Variants in PRKG1 observed in about 807,000 individuals in gnomAD.
PRKG1 encodes protein kinase cGMP-dependent 1.
Under a neutral mutation model 88.1 loss-of-function variants are expected in PRKG1, and 35 were observed. The ratio of observed to expected loss-of-function variants is 0.40; its 90% confidence interval spans 0.30 to 0.53. The LOEUF (loss-of-function observed/expected upper bound fraction) is 0.53, where lower values mean the gene tolerates loss of function less well. Ranked by LOEUF, PRKG1 falls within the 20% of genes least tolerant of loss-of-function variation. The pLI, the probability that PRKG1 is intolerant of heterozygous loss-of-function variation, is 0.59. For synonymous variants in PRKG1, 303 were observed against 292.5 expected, an observed-to-expected ratio of 1.04 and a Z score of -0.37; for missense variants, 540 against 839.8, an observed-to-expected ratio of 0.64 and a Z score of 4.41.
At chr10:51,524,417 C>T (rs1841823478) in intron 3 of PRKG1, among the ~76,000 whole-genome samples, 1 of 152,154 alleles carries the variant, frequency 6.6e-6, no homozygotes, top group South Asian at 2.1e-4. Context: ...CTATTCAAAA[C>T]TGCCATTCTT....
intron 1 of PRKG1, among the ~76,000 whole-genome samples, chr10:51,022,976 G>T (rs1037006860): frequency 6.6e-6 from 1 of 152,170 alleles, no homozygotes; most frequent in South Asian, 2.1e-4. Flanking sequence ...CAGCCTGGGC[G>T]ACAATAGCGA....
intron 2 of PRKG1, among the ~76,000 whole-genome samples, chr10:51,344,776 T>C (rs952162801): frequency 6.6e-6 from 1 of 152,170 alleles, no homozygotes; most frequent in Non-Finnish European, 1.5e-5. Context: ...TTATTACCAC[T>C]GGGAAAAATT....
At chr10:51,777,438 T>G (rs1428523039) in intron 3 of PRKG1, among the ~76,000 whole-genome samples, 1 of 152,140 alleles carries the variant, frequency 6.6e-6, no homozygotes, top group African/African-American at 2.4e-5. Flanking sequence ...ATTAGTCTAT[T>G]CTGTTTATTT....
In PRKG1 at chr10:51,609,802, A is replaced by G. The variant is rs561467724; in HGVS notation, c.592+141966A>G. Among the ~76,000 whole-genome samples the G allele has an allele frequency of 7.2e-4, 110 of 152,224 alleles. 2 individuals carry two copies. The South Asian group carries it at 0.022, about 30-fold the overall frequency. On this transcript the variant is annotated intron_variant, in intron 3 of 17. Transcript: ENST00000373980. ...AGCCTAACAATGAGAACACATGGAC[A>G]TAGGGAGGGGAACAACACACACTGG...
At chr10:51,660,106 C>A (rs1840258949) in intron 3 of PRKG1, among the ~76,000 whole-genome samples, 1 of 132,258 alleles carries the variant, frequency 7.6e-6, no homozygotes, top group Non-Finnish European at 1.6e-5. Context: ...AAGAAATTCT[C>A]AAAGAAGGCC....
intron 2 of PRKG1, among the ~76,000 whole-genome samples, chr10:51,358,753 G>C (rs963968925): frequency 5.3e-5 from 8 of 151,974 alleles, no homozygotes; most frequent in Admixed American, 2.6e-4. Flanking sequence ...GCCTAAGTTA[G>C]CTAATTTGGA....
intron 3 of PRKG1, among the ~76,000 whole-genome samples, chr10:51,749,864 G>C (rs1239043166): frequency 6.6e-6 from 1 of 151,590 alleles, no homozygotes; most frequent in Non-Finnish European, 1.5e-5. Flanking sequence ...CAGCCTTGTA[G>C]CACTCTATTT....
chr10:51,831,155 C>T (rs1839997520), intron 4 of PRKG1, among the ~76,000 whole-genome samples: 2 of 152,068 alleles, frequency 1.3e-5, no homozygotes, highest in South Asian at 4.1e-4. Context: ...ATTTAAGAGA[C>T]ACAAGGCCTT....
At chr10:51,067,579 G>C (rs2132792202) in intron 1 of PRKG1, among the ~76,000 whole-genome samples, 1 of 151,934 alleles carries the variant, frequency 6.6e-6, no homozygotes, top group East Asian at 1.9e-4. Context: ...AGTCAACATA[G>C]ATGATTTTCT....
At chr10:52,006,098 AAC>A in intron 5 of PRKG1, among the ~76,000 whole-genome samples, 3 of 90,654 alleles carry the variant, frequency 3.3e-5, no homozygotes, top group African/African-American at 4.6e-5. Flanking sequence ...CAAACAAACA[AAC>A]AAAAAAAACA....
At chr10:51,710,487 C>G (rs931016759) in intron 3 of PRKG1, among the ~76,000 whole-genome samples, 3 of 152,170 alleles carry the variant, frequency 2.0e-5, no homozygotes, top group Non-Finnish European at 4.4e-5. Context: ...ACACTAACAG[C>G]TCCTCACACA....
chr10:51,790,042 C>G (rs538530912), intron 3 of PRKG1, among the ~76,000 whole-genome samples: 3 of 152,182 alleles, frequency 2.0e-5, no homozygotes, highest in African/African-American at 7.2e-5. Context: ...AGGCTGATGT[C>G]GAACTCCTGA....
chr10:51,949,981 G>C (rs1257963182), intron 5 of PRKG1, among the ~76,000 whole-genome samples: 1 of 152,182 alleles, frequency 6.6e-6, no homozygotes, highest in Admixed American at 6.5e-5. Flanking sequence ...TTAAAATGAG[G>C]AAGGTGATAG....
chr10:52,242,664 A>G (rs1410939418), intron 9 of PRKG1, among the ~76,000 whole-genome samples: 2 of 152,178 alleles, frequency 1.3e-5, no homozygotes, highest in East Asian at 3.9e-4. Context: ...TAGGAGGCCA[A>G]GGTGGGTGGA....
chr10:51,663,251 G>A (rs1275886096), intron 3 of PRKG1, among the ~76,000 whole-genome samples: 2 of 152,082 alleles, frequency 1.3e-5, no homozygotes, highest in Admixed American at 6.6e-5. Flanking sequence ...CAAGGCAGAT[G>A]TTTTTAGCTT....
At chr10:51,162,552 AC>A (rs1400482904) in intron 2 of PRKG1, among the ~76,000 whole-genome samples, 1 of 152,212 alleles carries the variant, frequency 6.6e-6, no homozygotes, top group Non-Finnish European at 1.5e-5. Context: ...TATTTAAAAT[AC>A]CAAGGAATTA....
intron 1 of PRKG1, among the ~76,000 whole-genome samples, chr10:51,131,185 A>C (rs919034415): frequency 2.0e-5 from 3 of 152,148 alleles, no homozygotes; most frequent in African/African-American, 7.2e-5. Context: ...AGTTTCCTTC[A>C]TACTTCTTGA....
chr10:52,002,804 T>C (rs985397281), intron 5 of PRKG1, among the ~76,000 whole-genome samples: 2 of 152,202 alleles, frequency 1.3e-5, no homozygotes, highest in Non-Finnish European at 2.9e-5. Flanking sequence ...AGTTTTTTCT[T>C]GCACTTTTTC....
intron 3 of PRKG1, among the ~76,000 whole-genome samples, chr10:51,736,395 C>A (rs959195171): frequency 2.6e-5 from 4 of 152,116 alleles, no homozygotes; most frequent in East Asian, 1.9e-4. Context: ...GGATCACAGG[C>A]GTGAGCCACT....
Sources: allele counts gnomAD v4.1 joint callset (sites outside exome capture counted in the v4.1 genomes callset), GRCh38; gene constraint gnomAD v4.1.1; transcripts MANE v1.5; gene names NCBI Gene and HGNC (gene_info 2026-07-23, HGNC 2026-07-21).